The following RSPH14 variants were observed in gnomAD, a reference collection of about 807,000 sequenced individuals.
RSPH14 encodes the protein radial spoke head 14 homolog.
A neutral mutation model predicts 26.7 loss-of-function variants in RSPH14; 20 were observed. The observed-to-expected ratio is 0.75, with a 90% CI of 0.53 to 1.09. RSPH14 has a LOEUF of 1.09. RSPH14 is among the 50% of genes least tolerant of loss of function. The probability of loss-of-function intolerance (pLI) is 0.00; values close to 1 mark genes in which losing one functional copy is unlikely to be tolerated. For missense variants in RSPH14, 449 were observed against 457.2 expected (o/e 0.98, Z 0.16); for synonymous variants, 177 against 189.3 (o/e 0.93, Z 0.53).
At chr22:23,085,533 C>T (rs185269770) in intron 4 of RSPH14, among the ~76,000 whole-genome samples, 61 of 152,310 alleles carry the variant, frequency 4.0e-4, no homozygotes, top group Non-Finnish European at 6.2e-4. Context: ...GTGGAGGATG[C>T]TCTGCTGAGC....
chr22:23,094,148 G>A (rs1329009869), intron 4 of RSPH14, among the ~76,000 whole-genome samples: 1 of 152,166 alleles, frequency 6.6e-6, no homozygotes, highest in Admixed American at 6.5e-5. Context: ...TGGTATTAAA[G>A]GGGCGAATGC....
chr22:23,165,567 C>A, the RSPH14 span, among the ~76,000 whole-genome samples: 1 of 152,238 alleles, frequency 6.6e-6, no homozygotes, highest in Non-Finnish European at 1.5e-5. Context: ...AAGAATTGGA[C>A]TTCGGGCAGA....
At chr22:23,090,743 A>G (rs988685200) in intron 4 of RSPH14, among the ~76,000 whole-genome samples, 1 of 151,828 alleles carries the variant, frequency 6.6e-6, no homozygotes, top group Non-Finnish European at 1.5e-5. Context: ...TGCAGCCCGC[A>G]TGTGCCACCC....
Position 23,059,427 on chromosome 22 carries a change from G to A in RSPH14, c.*35C>T. 1 of 1,549,658 alleles carries A rather than the reference G, an allele frequency of 6.5e-7. No individual in the cohort carries two copies. Among genetic ancestry groups the A allele is most frequent in the South Asian group, 1.2e-5 (1 of 83,796 alleles). On this transcript the variant is annotated 3_prime_UTR_variant, in exon 7 of 7. Coordinates refer to ENST00000216036, the MANE Select transcript of RSPH14 (RefSeq NM_014433.3). ...TTCGGACCCGAGATAAAGAGACTTA[G>A]CACATTTATTCACTCACAGAGGTGA...
chr22:23,138,652 C>G (rs1352830853), intron 3 of RSPH14, among the ~76,000 whole-genome samples, 188 bp downstream of exon 3: 1 of 152,024 alleles, frequency 6.6e-6, no homozygotes. Flanking sequence ...AACAGAGGGC[C>G]CCATAAGATC....
rs747996426 is a variant in RSPH14, at chr22:23,061,863, G to T, written c.736C>A (p.His246Asn). ...GCACCGGCAGCGTTAGACTTCACAT[G>T]CTCCACTGGGTCTTTCAGCAGATGG... Reference protein sequence around the residue: ...LVHLLKDPVEHVKSNAAGALM... With the variant: ...LVHLLKDPVENVKSNAAGALM... Residue 246 changes from histidine (H) to asparagine (N), a missense_variant, in exon 6 of 7, where the codon CAT (histidine) becomes AAT (asparagine). By Grantham distance (68) the His-to-Asn change is moderately conservative. Coordinates refer to ENST00000216036, the MANE Select transcript of RSPH14 (RefSeq NM_014433.3). 12 of 1,614,020 alleles carry T rather than the reference G, an allele frequency of 7.4e-6. No individual in the cohort carries two copies. The highest frequency in any genetic ancestry group is 1.0e-5 in the Non-Finnish European group (12 of 1,180,026).
At chr22:23,133,616 G>A (rs1185280637) in intron 4 of RSPH14, among the ~76,000 whole-genome samples, 1 of 152,072 alleles carries the variant, frequency 6.6e-6, no homozygotes, top group African/African-American at 2.4e-5. Context: ...TTAAGACAGA[G>A]TCTCGCACTG....
At chr22:23,095,652 T>C (rs753831344) in intron 4 of RSPH14, 17 of 1,551,812 alleles carry the variant, frequency 1.1e-5, no homozygotes, top group Non-Finnish European at 1.5e-5. Context: ...GAGGGAGAGG[T>C]GCCCCATCCC....
chr22:23,107,555 T>C (rs1222330271), intron 4 of RSPH14, among the ~76,000 whole-genome samples: 2 of 152,152 alleles, frequency 1.3e-5, no homozygotes, highest in African/African-American at 2.4e-5. Flanking sequence ...AGGCAAGTCC[T>C]GTGAACTGGG....
chr22:23,089,408 G>T (rs1482968777), intron 4 of RSPH14, among the ~76,000 whole-genome samples: 1 of 152,174 alleles, frequency 6.6e-6, no homozygotes, highest in Non-Finnish European at 1.5e-5. Context: ...GCGAGCTCAG[G>T]CTATGGTGGG....
intron 4 of RSPH14, among the ~76,000 whole-genome samples, chr22:23,133,246 T>G (rs1467107419): frequency 1.3e-5 from 2 of 152,220 alleles, no homozygotes; most frequent in Non-Finnish European, 2.9e-5. Context: ...TATACTCACA[T>G]AGTGTAAATA....
chr22:23,059,972 G>A (rs1323172289), intron 6 of RSPH14, among the ~76,000 whole-genome samples: 1 of 152,134 alleles, frequency 6.6e-6, no homozygotes, highest in Non-Finnish European at 1.5e-5. Flanking sequence ...TCCTGCCCAG[G>A]AGTTCAAGAC....
chr22:23,120,203 A>G (rs758458490), intron 4 of RSPH14, among the ~76,000 whole-genome samples: 1 of 152,180 alleles, frequency 6.6e-6, no homozygotes, highest in Non-Finnish European at 1.5e-5. Flanking sequence ...AGGGTCCCCA[A>G]GGTCCACTGA....
chr22:23,060,895 G>A (rs1031856328), intron 6 of RSPH14, among the ~76,000 whole-genome samples: 2 of 152,132 alleles, frequency 1.3e-5, no homozygotes, highest in Non-Finnish European at 2.9e-5. Context: ...CTCGAGCCCC[G>A]TGGCCCTCCA....
At chr22:23,112,366 TC>T (rs905540382) in intron 4 of RSPH14, among the ~76,000 whole-genome samples, 79 of 152,242 alleles carry the variant, frequency 5.2e-4, no homozygotes, top group African/African-American at 1.8e-3. Flanking sequence ...GCTCTTTGCC[TC>T]CCAAGACCGT....
chr22:23,157,441 A>C, the RSPH14 span, among the ~76,000 whole-genome samples: 1 of 151,940 alleles, frequency 6.6e-6, no homozygotes, highest in Non-Finnish European at 1.5e-5. Flanking sequence ...GTGTATTTTT[A>C]GTAGAGACGG....
At chr22:23,063,142 C>A (rs1021771501) in intron 5 of RSPH14, among the ~76,000 whole-genome samples, 2 of 152,116 alleles carry the variant, frequency 1.3e-5, no homozygotes, top group African/African-American at 4.8e-5. Flanking sequence ...TCTGAGCAGA[C>A]CTAAGAATGA....
At chr22:23,174,042 T>A in the RSPH14 span, among the ~76,000 whole-genome samples, 2 of 151,878 alleles carry the variant, frequency 1.3e-5, no homozygotes, top group Non-Finnish European at 2.9e-5. Flanking sequence ...GACACCTGCA[T>A]GCTTTCCATC....
the RSPH14 span, among the ~76,000 whole-genome samples, chr22:23,173,628 TG>T: frequency 0.21 from 24,703 of 119,726 alleles, 2,885 homozygotes; most frequent in Middle Eastern, 0.26. Context: ...TTTGGTTTTT[TG>T]TTTTTTGTTT....
Sources: allele counts gnomAD v4.1 joint callset (sites outside exome capture counted in the v4.1 genomes callset), GRCh38; gene constraint gnomAD v4.1.1; transcripts MANE v1.5; gene names NCBI Gene and HGNC (gene_info 2026-07-23, HGNC 2026-07-21).